Variants in TEX2 observed in about 807,000 individuals in gnomAD.
TEX2 encodes testis-expressed protein 2.
In TEX2, 53 loss-of-function variants were observed where a neutral mutation model predicts 106.9. The ratio of observed to expected loss-of-function variants is 0.50; its 90% CI spans 0.40 to 0.62. TEX2 has a LOEUF of 0.62. TEX2 is among the 20% of genes least tolerant of loss of function. TEX2 has a pLI of 0.00. For synonymous variants in TEX2, 523 were observed against 534.8 expected, an observed-to-expected ratio of 0.98 and a Z score of 0.30; for missense variants, 1,207 against 1,379.0, an observed-to-expected ratio of 0.88 and a Z score of 1.98.
chr17:64,250,612 G>A (rs192837302), intron 1 of TEX2, among the ~76,000 whole-genome samples: 1 of 152,264 alleles, frequency 6.6e-6, no homozygotes, highest in Admixed American at 6.5e-5. Flanking sequence ...ATCTGTCTAT[G>A]GAAAATAACA....
chr17:64,202,679 A>G (rs1378750992), intron 2 of TEX2, among the ~76,000 whole-genome samples: 1 of 152,232 alleles, frequency 6.6e-6, no homozygotes, highest in Non-Finnish European at 1.5e-5. Flanking sequence ...TACCAGGTAA[A>G]GTATTCATCC....
chr17:64,257,563 T>C (rs781873572), intron 1 of TEX2, among the ~76,000 whole-genome samples: 2 of 152,214 alleles, frequency 1.3e-5, no homozygotes, highest in African/African-American at 4.8e-5. Context: ...TCCAATCCCA[T>C]CCTGCCCAGG....
intron 1 of TEX2, among the ~76,000 whole-genome samples, chr17:64,238,556 C>T (rs190531774): frequency 1.4e-3 from 217 of 152,298 alleles, no homozygotes; most frequent in African/African-American, 5.0e-3. Flanking sequence ...CGGGAGGCCT[C>T]GGGAAACTTA....
chr17:64,248,695 C>G (rs1286181903), intron 1 of TEX2, among the ~76,000 whole-genome samples: 1 of 152,144 alleles, frequency 6.6e-6, no homozygotes, highest in African/African-American at 2.4e-5. Flanking sequence ...TTAGCAGTAG[C>G]ATCACACTTG....
intron 1 of TEX2, among the ~76,000 whole-genome samples, chr17:64,259,450 AT>A (rs2034249264): frequency 6.6e-6 from 1 of 152,206 alleles, no homozygotes; most frequent in South Asian, 2.1e-4. Context: ...TCTTATTACA[AT>A]ATTTACTTTA....
chr17:64,262,490 G>T (rs988214861), intron 1 of TEX2, among the ~76,000 whole-genome samples: 1 of 152,190 alleles, frequency 6.6e-6, no homozygotes, highest in South Asian at 2.1e-4. Flanking sequence ...GCCGTTCCCC[G>T]CCTTCTCCGG....
chr17:64,188,977 A>G (rs2032196212), intron 4 of TEX2, among the ~76,000 whole-genome samples: 1 of 152,102 alleles, frequency 6.6e-6, no homozygotes, highest in Non-Finnish European at 1.5e-5. Flanking sequence ...TCTCCTGATG[A>G]TCTTTTAGGA....
At chr17:64,212,423 C>A (rs2033029895) in intron 2 of TEX2, 151 bp downstream of exon 2, 3 of 699,582 alleles carry the variant, frequency 4.3e-6, no homozygotes, top group Admixed American at 2.5e-5. Context: ...GATGAGTTGA[C>A]TGGGTGCCTG....
In TEX2 at chr17:64,148,726, C is replaced by T; in HGVS notation, c.*243G>A. On this transcript the variant is annotated 3_prime_UTR_variant, in exon 12 of 12. Coordinates refer to ENST00000584379, the MANE Select transcript of TEX2 (RefSeq NM_001288732.2). The stretch of plus-strand genomic sequence containing the variant: ...GGTCACGTATAACTTCTGGATCCAC[C>T]ATGATTCTTCCATGGTCTCCTTTGC... The T allele has an allele frequency of 2.1e-6, 1 of 479,434 alleles. No individual in the cohort carries two copies. The highest frequency in any genetic ancestry group is 3.7e-6 in the Non-Finnish European group (1 of 270,548). The allele number at this position is 479,434 out of a possible 1,614,324, so 29.7% of individuals were successfully genotyped here.
chr17:64,151,184 C>A (rs2030335940), intron 10 of TEX2, among the ~76,000 whole-genome samples: 1 of 152,136 alleles, frequency 6.6e-6, no homozygotes. Context: ...ACAGTTCTGA[C>A]AAACTGAGAG....
At chr17:64,199,622 A>C (rs1261051946) in intron 2 of TEX2, among the ~76,000 whole-genome samples, 2 of 152,250 alleles carry the variant, frequency 1.3e-5, no homozygotes, top group African/African-American at 4.8e-5. Context: ...ATTTTATTTA[A>C]ATTCATATCA....
chr17:64,178,467 A>C (rs2031703071), intron 5 of TEX2, among the ~76,000 whole-genome samples: 1 of 152,160 alleles, frequency 6.6e-6, no homozygotes, highest in South Asian at 2.1e-4. Flanking sequence ...CCCTGGAAAG[A>C]CAGGAACTTT....
intron 1 of TEX2, among the ~76,000 whole-genome samples, chr17:64,222,940 CT>C (rs2143213444): frequency 6.6e-6 from 1 of 152,270 alleles, no homozygotes; most frequent in Admixed American, 6.5e-5. Context: ...CTGATGGGTC[CT>C]TCCTAAGGTC....
chr17:64,257,742 C>T (rs1161415843), intron 1 of TEX2, among the ~76,000 whole-genome samples: 1 of 152,154 alleles, frequency 6.6e-6, no homozygotes, highest in East Asian at 1.9e-4. Context: ...ATTAATGACG[C>T]TGGCAATTTG....
rs114477793 is a variant in TEX2, at chr17:64,157,052, G to T, written c.2805-2085C>A. Among the ~76,000 whole-genome samples, 856 of 152,320 alleles carry T rather than the reference G, an allele frequency of 5.6e-3. 8 individuals carry two copies. The highest frequency in any genetic ancestry group is 0.031 in the Middle Eastern group (9 of 294). ...ATGATGTGAAAATCTGATTTTGACC[G>T]AGTGGTACCTCTGCTCTCCGCGCTG... On this transcript the variant is annotated intron_variant, in intron 8 of 11. Coordinates refer to ENST00000584379, the MANE Select transcript of TEX2 (RefSeq NM_001288732.2).
chr17:64,164,744 G>A (rs2031049271), intron 7 of TEX2, among the ~76,000 whole-genome samples: 1 of 152,232 alleles, frequency 6.6e-6, no homozygotes, highest in African/African-American at 2.4e-5. Context: ...AGCTGCTGCA[G>A]CTCAGACCAT....
intron 1 of TEX2, among the ~76,000 whole-genome samples, chr17:64,253,709 T>C (rs2034134919): frequency 6.6e-6 from 1 of 151,432 alleles, no homozygotes; most frequent in African/African-American, 2.4e-5. Context: ...AGGAGGGAGG[T>C]CGAGCTTGCA....
intron 1 of TEX2, among the ~76,000 whole-genome samples, chr17:64,245,755 A>G (rs981049628): frequency 6.7e-6 from 1 of 149,878 alleles, no homozygotes; most frequent in African/African-American, 2.5e-5. Context: ...GGTCTGTGTC[A>G]TAGGGATACG....
chr17:64,229,080 G>C (rs1203315145), intron 1 of TEX2, among the ~76,000 whole-genome samples: 1 of 151,194 alleles, frequency 6.6e-6, no homozygotes, highest in Non-Finnish European at 1.5e-5. Flanking sequence ...GCCTTTAAAA[G>C]CTGTGTTTCC....
Sources: allele counts gnomAD v4.1 joint callset (sites outside exome capture counted in the v4.1 genomes callset), GRCh38; gene constraint gnomAD v4.1.1; transcripts MANE v1.5; gene names NCBI Gene and HGNC (gene_info 2026-07-23, HGNC 2026-07-21).